Variants in MAST4 observed in about 807,000 individuals in gnomAD.
MAST4 encodes the protein microtubule-associated serine/threonine-protein kinase 4.
Under a neutral mutation model 162.7 loss-of-function variants are expected in MAST4, and 89 were observed. The observed-to-expected ratio is 0.55, with a 90% confidence interval of 0.46 to 0.65. MAST4 has a LOEUF of 0.65. Ranked by LOEUF, MAST4 falls within the 30% of genes least tolerant of loss-of-function variation. MAST4 has a pLI of 0.00. For missense variants in MAST4, 3,153 were observed against 3,374.0 expected, an observed-to-expected ratio of 0.93 and a Z score of 1.62; for synonymous variants, 1,479 against 1,361.1, an observed-to-expected ratio of 1.09 and a Z score of -1.91.
chr5:66,930,611 A>G (rs1742087487), intron 4 of MAST4: 1 of 420,528 alleles, frequency 2.4e-6, no homozygotes, highest in African/African-American at 2.1e-5. Flanking sequence ...GGAAGTTTAA[A>G]ATTTTTTATG....
intron 6 of MAST4, 89 bp downstream of exon 6, chr5:67,090,320 T>TCGTCCCGTCCCCA: frequency 1.5e-6 from 1 of 672,146 alleles, no homozygotes; most frequent in Non-Finnish European, 2.3e-6. Context: ...CCTCCCCACT[T>TCGTCCCGTCCCCA]CTTCCCGTCC....
intron 1 of MAST4, chr5:66,662,234 A>G (rs1176900473): frequency 1.3e-5 from 2 of 152,110 alleles, no homozygotes; most frequent in Non-Finnish European, 2.9e-5. Flanking sequence ...AAAAAAACAC[A>G]CACAACACTC....
At chr5:66,710,600 C>T (rs1750434366) in intron 1 of MAST4, among the ~76,000 whole-genome samples, 2 of 152,078 alleles carry the variant, frequency 1.3e-5, no homozygotes, top group Non-Finnish European at 2.9e-5. Flanking sequence ...GGGGAAAAAT[C>T]TAGGTTATGG....
At chr5:66,902,676 A>G (rs1483894559) in intron 4 of MAST4, 9 of 470,578 alleles carry the variant, frequency 1.9e-5, no homozygotes, top group Non-Finnish European at 3.5e-5. Flanking sequence ...GTGACTGGGT[A>G]ATAGACAAGA....
chr5:66,801,491 T>C (rs905283156), intron 3 of MAST4, among the ~76,000 whole-genome samples: 8 of 152,214 alleles, frequency 5.3e-5, no homozygotes, highest in South Asian at 2.1e-4. Context: ...AAACTGATGT[T>C]CTAACATTTG....
intron 4 of MAST4, among the ~76,000 whole-genome samples, chr5:66,914,812 T>C (rs1327385059): frequency 1.3e-5 from 2 of 152,140 alleles, no homozygotes; most frequent in Non-Finnish European, 2.9e-5. Context: ...GTCACAACTA[T>C]TTGGGGACCA....
intron 1 of MAST4, among the ~76,000 whole-genome samples, chr5:66,598,783 T>C (rs554367156): frequency 5.3e-5 from 8 of 152,318 alleles, no homozygotes; most frequent in Non-Finnish European, 1.0e-4. Context: ...CCATGGTAAG[T>C]GACATGGTCT....
intron 1 of MAST4, among the ~76,000 whole-genome samples, chr5:66,751,258 T>C (rs376304468): frequency 0.011 from 1,603 of 152,118 alleles, 14 homozygotes; most frequent in South Asian, 0.047. Context: ...TCCAAAGGAA[T>C]GCAGTTCCTC....
intron 1 of MAST4, among the ~76,000 whole-genome samples, chr5:66,620,933 C>T (rs1030365283): frequency 6.6e-6 from 1 of 151,858 alleles, no homozygotes; most frequent in East Asian, 1.9e-4. Context: ...ATGCAACTGT[C>T]CCCCCTAATT....
At chr5:66,657,105 C>G (rs1160768986) in intron 1 of MAST4, among the ~76,000 whole-genome samples, 1 of 152,052 alleles carries the variant, frequency 6.6e-6, no homozygotes, top group Non-Finnish European at 1.5e-5. Flanking sequence ...ATGTTCATTC[C>G]AGAGGTTTTA....
Position 66,620,293 on chromosome 5 carries a change from A to G in MAST4, c.363+23275A>G, listed in dbSNP as rs116710989. ...GAGTGGGGAAAATATATAGAAGTCT[A>G]CAATACTACTTCCCCTCCACATTAA... On this transcript the variant is annotated intron_variant, in intron 1 of 28. Coordinates refer to ENST00000403625, the MANE Select transcript of MAST4 (RefSeq NM_001164664.2). Among the ~76,000 whole-genome samples, 872 of 152,294 alleles carry G rather than the reference A, an allele frequency of 5.7e-3. 10 individuals are homozygous for G. Among genetic ancestry groups the G allele is most frequent in the African/African-American group, 0.02 (838 of 41,584 alleles).
chr5:66,721,076 C>T (rs550135413), intron 1 of MAST4, among the ~76,000 whole-genome samples: 3 of 152,272 alleles, frequency 2.0e-5, no homozygotes, highest in South Asian at 2.1e-4. Flanking sequence ...AACCTCCTGG[C>T]GTTTCTCCCC....
At chr5:66,661,138 T>C (rs1746882004) in intron 1 of MAST4, among the ~76,000 whole-genome samples, 1 of 152,182 alleles carries the variant, frequency 6.6e-6, no homozygotes. Flanking sequence ...AACGTGAACA[T>C]AGTGGCTTTA....
intron 1 of MAST4, among the ~76,000 whole-genome samples, chr5:66,702,076 G>A (rs993045234): frequency 2.0e-4 from 30 of 152,176 alleles, no homozygotes; most frequent in African/African-American, 7.2e-4. Flanking sequence ...GCTCCCAGGA[G>A]CAGACTTTGA....
chr5:66,635,391 C>T (rs1250685612), intron 1 of MAST4, among the ~76,000 whole-genome samples: 3 of 152,148 alleles, frequency 2.0e-5, no homozygotes, highest in East Asian at 3.9e-4. Context: ...ATACTTGGCT[C>T]GTCACGCTAA....
At chr5:66,730,574 A>G (rs1013782704) in intron 1 of MAST4, among the ~76,000 whole-genome samples, 1 of 152,214 alleles carries the variant, frequency 6.6e-6, no homozygotes, top group African/African-American at 2.4e-5. Context: ...CGGATTGCCG[A>G]TCAGTGGTAA....
intron 10 of MAST4, among the ~76,000 whole-genome samples, chr5:67,106,474 C>T (rs1232627135): frequency 3.9e-5 from 6 of 152,300 alleles, no homozygotes; most frequent in Non-Finnish European, 7.4e-5. Flanking sequence ...TCCCTCTCTC[C>T]CTTCATCAAG....
chr5:66,612,648 T>C (rs78040005), intron 1 of MAST4, among the ~76,000 whole-genome samples: 6,595 of 152,270 alleles, frequency 0.043, 423 homozygotes, highest in African/African-American at 0.15. Flanking sequence ...CAGTGCACTA[T>C]CAAGTGAACA....
Position 67,118,691 on chromosome 5 carries a change from A to G in MAST4, c.1601A>G (p.His534Arg), listed in dbSNP as rs1767221201. The change falls in exon 13 of 29, where the codon CAT (histidine) becomes CGT (arginine). Residue 534 changes from histidine to arginine, a missense_variant. Physicochemically the swap from His to Arg is conservative, Grantham distance 29. Transcript: ENST00000403625. ...TTTTTTTCCAACTTAGAAATGGCTC[A>G]TTTGGGAAACTACGATAGTGGGACA... ...LNKDPLEEMA[H>R]LGNYDSGTAE... 6.4e-7 allele frequency: 1 copy of G among 1,569,378 alleles called. No homozygotes were observed. Among genetic ancestry groups the G allele is most frequent in the Admixed American group, 1.8e-5 (1 of 54,510 alleles).
Sources: gnomAD v4.1 joint callset for allele counts (sites outside exome capture counted in the v4.1 genomes callset) on GRCh38, gnomAD v4.1.1 for gene constraint, MANE v1.5 for transcripts, NCBI Gene and HGNC (gene_info 2026-07-23, HGNC 2026-07-21) for gene names.